Variants in RASGRP1 observed in about 807,000 individuals in gnomAD.
RASGRP1 encodes RAS guanyl releasing protein 1.
A neutral mutation model predicts 95.1 loss-of-function variants in RASGRP1; 37 were observed. The ratio of observed to expected loss-of-function variants is 0.39; its 90% confidence interval spans 0.30 to 0.51. The LOEUF (loss-of-function observed/expected upper bound fraction) is 0.51, where lower values mean the gene tolerates loss of function less well. Among genes scored for constraint, RASGRP1 ranks in the 20% least tolerant of loss-of-function variants. The pLI is 0.80. For missense variants in RASGRP1, 711 were observed against 965.4 expected, an observed-to-expected ratio of 0.74 and a Z score of 3.49; for synonymous variants, 325 against 353.4, an observed-to-expected ratio of 0.92 and a Z score of 0.90.
rs747191064 is a variant in RASGRP1 at position 38,507,842 on chromosome 15, C to T, written c.1126G>A (p.Gly376Arg). ...AGTAGCTTATGGACGTTCACTTTCCCGTCCTCCAGATAGTCAGGCATGGCT... is the reference window on the plus strand; with the variant it reads ...AGTAGCTTATGGACGTTCACTTTCCTGTCCTCCAGATAGTCAGGCATGGCT... ...YEAMPDYLEDGKVNVHKLLAL... is the reference protein window; with the variant it reads ...YEAMPDYLEDRKVNVHKLLAL... Residue 376 changes from glycine (G) to arginine (R), a missense_variant, in exon 9 of 17, where the codon GGG (glycine) becomes AGG (arginine). Coordinates refer to ENST00000310803, the MANE Select transcript of RASGRP1 (RefSeq NM_005739.4). 4.5e-5 allele frequency: 72 copies of T among 1,613,420 alleles called. No individual in the cohort carries two copies. Among genetic ancestry groups the T allele is most frequent in the Admixed American group, 2.0e-4 (12 of 59,972 alleles).
chr15:38,496,077 C>T (rs1463157946), intron 15 of RASGRP1, among the ~76,000 whole-genome samples: 1 of 151,942 alleles, frequency 6.6e-6, no homozygotes, highest in Non-Finnish European at 1.5e-5. Flanking sequence ...AGGAGAGGTA[C>T]AAGTTTCAAG....
chr15:38,526,162 C>T (rs1892211881), intron 3 of RASGRP1, 137 bp downstream of exon 3: 1 of 688,466 alleles, frequency 1.5e-6, no homozygotes, highest in Middle Eastern at 2.7e-4. Flanking sequence ...TGCACCCATA[C>T]CCCTGAAAGG....
chr15:38,491,929 T>TA (rs1472086612), intron 16 of RASGRP1, among the ~76,000 whole-genome samples: 1 of 152,200 alleles, frequency 6.6e-6, no homozygotes, highest in African/African-American at 2.4e-5. Context: ...CATCGGCATG[T>TA]AAAATGTCAA....
chr15:38,497,904 T>C (rs544658662), intron 15 of RASGRP1, among the ~76,000 whole-genome samples: 1 of 152,226 alleles, frequency 6.6e-6, no homozygotes, highest in Non-Finnish European at 1.5e-5. Flanking sequence ...CAAGCTCCAC[T>C]TGAGTGGGAG....
Position 38,509,734 on chromosome 15 carries a change from T to C in RASGRP1, c.967-1733A>G, listed in dbSNP as rs549368545. 5.3e-5 allele frequency among the ~76,000 whole-genome samples: 8 copies of C among 152,234 alleles called. No homozygotes were observed. In the South Asian group the frequency reaches 1.7e-3, roughly 32 times the overall value. ...GAGTGAGACTGTCTCAATCAATAAA[T>C]AAATAATAAAATTTATGAATTATTT... is the stretch of plus-strand genomic sequence containing the variant. On this transcript the variant is annotated intron_variant, in intron 8 of 16. Coordinates refer to ENST00000310803, the MANE Select transcript of RASGRP1 (RefSeq NM_005739.4).
In RASGRP1 at chr15:38,501,197, G is replaced by T. The variant is rs2141089659; in HGVS notation, c.1629C>A (p.Asn543Lys). The T allele has an allele frequency of 6.2e-7, 1 of 1,613,142 alleles. No individual in the cohort carries two copies. Among genetic ancestry groups the T allele is most frequent in the Non-Finnish European group, 8.5e-7 (1 of 1,179,398 alleles). Residue 543 changes from asparagine (N) to lysine (K), a missense_variant, in exon 13 of 17, where the codon AAC (asparagine) becomes AAA (lysine). This residue lies in a region of RASGRP1 where 491 missense variants were observed against 676.6 expected (regional missense o/e 0.73). Transcript: ENST00000310803. ...YSKLGLGFPH[N>K]FQETTYLKPT... is the part of the protein sequence containing the mutation. ...GCTTCAGGTAGGTGGTCTCTTGGAA[G>T]TTGTGAGGAAAGCCCAGGCCCAGCT...
chr15:38,549,114 C>T (rs1245042807), intron 2 of RASGRP1, among the ~76,000 whole-genome samples: 1 of 152,164 alleles, frequency 6.6e-6, no homozygotes, highest in Non-Finnish European at 1.5e-5. Context: ...AGCAGCCCCT[C>T]AGAAATGGCA....
chr15:38,497,197 A>G (rs1423894688), intron 15 of RASGRP1, among the ~76,000 whole-genome samples: 2 of 152,200 alleles, frequency 1.3e-5, no homozygotes, highest in Non-Finnish European at 2.9e-5. Context: ...CATGCTGGCT[A>G]ACCAGCCAGC....
intron 2 of RASGRP1, among the ~76,000 whole-genome samples, chr15:38,536,344 G>A (rs937101764): frequency 1.3e-5 from 2 of 152,190 alleles, no homozygotes; most frequent in Admixed American, 6.5e-5. Flanking sequence ...AGGAGGGCTG[G>A]CAAAGGGCCA....
chr15:38,557,595 A>G (rs1038310356), intron 2 of RASGRP1, among the ~76,000 whole-genome samples: 1 of 133,388 alleles, frequency 7.5e-6, no homozygotes, highest in African/African-American at 3.1e-5. Context: ...TGTCCTTTGT[A>G]TATATATGTG....
At chr15:38,525,835 C>T (rs1892199327) in intron 3 of RASGRP1, among the ~76,000 whole-genome samples, 2 of 152,166 alleles carry the variant, frequency 1.3e-5, no homozygotes, top group African/African-American at 4.8e-5. Context: ...ATAGTCAGTC[C>T]TCCTGCCTGA....
At chr15:38,506,888 C>G (rs531069222) in intron 9 of RASGRP1, among the ~76,000 whole-genome samples, 2 of 152,126 alleles carry the variant, frequency 1.3e-5, no homozygotes, top group Non-Finnish European at 2.9e-5. Context: ...CATGTTTTTA[C>G]AAATGATGTC....
chr15:38,501,003 T>C, intron 13 of RASGRP1, 140 bp downstream of exon 13: 2 of 1,024,118 alleles, frequency 2.0e-6, no homozygotes, highest in African/African-American at 1.6e-5. Flanking sequence ...AACCACACGC[T>C]TGAGCTCTAG....
Position 38,490,528 on chromosome 15 carries a change from A to G in RASGRP1, c.*26T>C, listed in dbSNP as rs1266213541. 3.7e-6 allele frequency: 6 copies of G among 1,607,186 alleles called. No individual in the cohort carries two copies. Among genetic ancestry groups the G allele is most frequent in the Admixed American group, 3.4e-5 (2 of 59,436 alleles). ...GGAAATGAGATCACTATACTCATCT[A>G]CAGATTGTGCTACTTAGTTTCTGGG... On this transcript the variant is annotated 3_prime_UTR_variant, in exon 17 of 17. Coordinates refer to ENST00000310803, the MANE Select transcript of RASGRP1 (RefSeq NM_005739.4).
chr15:38,545,100 C>T (rs1013416684), intron 2 of RASGRP1, among the ~76,000 whole-genome samples: 1 of 152,152 alleles, frequency 6.6e-6, no homozygotes, highest in Non-Finnish European at 1.5e-5. Context: ...CTCATACTAG[C>T]TCTTCTATGG....
chr15:38,503,764 C>G (rs1421595620), intron 10 of RASGRP1: 2 of 210,860 alleles, frequency 9.5e-6, no homozygotes, highest in African/African-American at 4.8e-5. Context: ...AAAAGCTTAG[C>G]TAAAAGGCAG....
At chr15:38,536,665 C>T (rs532977694) in intron 2 of RASGRP1, among the ~76,000 whole-genome samples, 1 of 152,320 alleles carries the variant, frequency 6.6e-6, no homozygotes, top group East Asian at 1.9e-4. Flanking sequence ...AATAGATAAC[C>T]TCATTCCAGT....
intron 16 of RASGRP1, among the ~76,000 whole-genome samples, chr15:38,494,139 C>T (rs1431045180): frequency 6.6e-6 from 1 of 152,196 alleles, no homozygotes; most frequent in Non-Finnish European, 1.5e-5. Context: ...ATAGCCTGTG[C>T]TACTTGTGTA....
In RASGRP1 at chr15:38,489,729, CTTT is replaced by C. The variant is rs60689584; in HGVS notation, c.*822_*824del. On this transcript the variant is annotated 3_prime_UTR_variant, in exon 17 of 17. Coordinates refer to ENST00000310803, the MANE Select transcript of RASGRP1 (RefSeq NM_005739.4). The stretch of plus-strand genomic sequence containing the variant: ...AAGAGTTAAACAGACTCTTCATAGA[CTTT>C]TTTTTTTAAGCCATCAATTCCTAAT... 51 of 150,012 alleles carry C rather than the reference CTTT, an allele frequency of 3.4e-4. No individual in the cohort carries two copies. The highest frequency in any genetic ancestry group is 1.1e-3 in the African/African-American group (46 of 40,922). 9.3% of individuals were successfully genotyped at this position (150,012 alleles called of 1,614,324 possible).
Sources: gnomAD v4.1 joint callset for allele counts (sites outside exome capture counted in the v4.1 genomes callset) on GRCh38, gnomAD v4.1.1 for gene constraint, gnomAD v4.1.1 regional missense constraint, MANE v1.5 for transcripts, NCBI Gene and HGNC (gene_info 2026-07-23, HGNC 2026-07-21) for gene names.